The following NLRP14 variants were observed in gnomAD, a reference collection of about 807,000 sequenced individuals.
NLRP14 encodes NACHT, LRR and PYD domains-containing protein 14.
NLRP14 carries 105 observed loss-of-function variants against 94.7 expected under a neutral mutation model. The ratio of observed to expected loss-of-function variants is 1.11; its 90% CI spans 0.95 to 1.30. NLRP14 has a LOEUF of 1.30. Among genes scored for constraint, NLRP14 ranks in the 50% most tolerant of loss-of-function variants. NLRP14 has a pLI of 0.00. For missense variants in NLRP14, 1,362 were observed against 1,254.1 expected (o/e 1.09, Z -1.30); for synonymous variants, 508 against 459.9 (o/e 1.10, Z -1.34).
At chr11:7,059,855 G>A (rs373111138) in intron 8 of NLRP14, 39 bp from the exon 9 acceptor site, 3 of 1,547,086 alleles carry the variant, frequency 1.9e-6, no homozygotes, top group Admixed American at 1.7e-5. Context: ...GGACAGTAGA[G>A]CAATGATTCC....
chr11:7,037,806 C>G (rs967778628), intron 1 of NLRP14, among the ~76,000 whole-genome samples: 2 of 152,074 alleles, frequency 1.3e-5, no homozygotes, highest in Non-Finnish European at 2.9e-5. Flanking sequence ...ATTGACAAAG[C>G]CTGGGGTGAG....
chr11:7,068,510 G>A (rs1852742035), intron 10 of NLRP14, among the ~76,000 whole-genome samples: 1 of 152,084 alleles, frequency 6.6e-6, no homozygotes, highest in Non-Finnish European at 1.5e-5. Flanking sequence ...TAATTTTCAA[G>A]CATGAGGCTT....
At chr11:7,037,046 T>C (rs1431085229) in intron 1 of NLRP14, among the ~76,000 whole-genome samples, 1 of 152,144 alleles carries the variant, frequency 6.6e-6, no homozygotes, top group African/African-American at 2.4e-5. Flanking sequence ...AAGATAAAGA[T>C]GGACCCACAT....
At chr11:7,089,663 C>A in the NLRP14 span, 2 of 1,451,086 alleles carry the variant, frequency 1.4e-6, no homozygotes, top group Non-Finnish European at 1.8e-6. Context: ...GCGGGAGGGC[C>A]CTGGCCGTGC....
At position 7,038,874 on chromosome 11, in the gene NLRP14, C is replaced by G. The variant is rs1313531212; in HGVS notation, c.288C>G (p.Asn96Lys). 8 of 1,612,948 alleles carry G rather than the reference C, an allele frequency of 5.0e-6. No homozygotes were observed. The Admixed American group carries it at 5.0e-5, about 10-fold the overall frequency. The change falls in exon 2 of 12, where the codon AAC becomes AAG. Residue 96 changes from asparagine to lysine, a missense_variant and splice_region_variant. By Grantham distance (94) the Asn-to-Lys change is moderately conservative. Transcript: ENST00000299481. ...DLCERAKEEI[N>K]WSAQTIGPDD... ...GTGAGAGAGCGAAAGAAGAGATCAA[C>G]TGTGAGTGATGCTAGGGGCAAATCG...
At chr11:7,056,203 T>C (rs1357649346) in intron 6 of NLRP14, among the ~76,000 whole-genome samples, 3 of 151,980 alleles carry the variant, frequency 2.0e-5, no homozygotes, top group Non-Finnish European at 4.4e-5. Context: ...TTATAAAATT[T>C]AGGAATTCAG....
At chr11:7,088,028 A>G in the NLRP14 span, among the ~76,000 whole-genome samples, 14 of 152,348 alleles carry the variant, frequency 9.2e-5, no homozygotes, top group Admixed American at 7.2e-4. Flanking sequence ...ATCCACAATT[A>G]TGGTAAATTT....
At chr11:7,036,918 A>T (rs1852170234) in intron 1 of NLRP14, among the ~76,000 whole-genome samples, 1 of 152,198 alleles carries the variant, frequency 6.6e-6, no homozygotes, top group South Asian at 2.1e-4. Flanking sequence ...TCAAGAAGAT[A>T]GATTTCTAAT....
intron 3 of NLRP14, 39 bp downstream of exon 3, chr11:7,039,824 C>T (rs1010432330): frequency 2.7e-6 from 4 of 1,491,836 alleles, no homozygotes; most frequent in East Asian, 2.3e-5. Flanking sequence ...GGGAGGCATT[C>T]AAAGTTTTGA....
chr11:7,023,263 T>A (rs1224137010), intron 1 of NLRP14, among the ~76,000 whole-genome samples: 2 of 148,510 alleles, frequency 1.3e-5, no homozygotes, highest in South Asian at 2.1e-4. Flanking sequence ...AATTTTAATT[T>A]TATATATATA....
At chr11:7,077,260 G>A in the NLRP14 span, among the ~76,000 whole-genome samples, 1 of 152,248 alleles carries the variant, frequency 6.6e-6, no homozygotes, top group African/African-American at 2.4e-5. Context: ...GGCTGGAAAG[G>A]AGGTGACCCC....
At chr11:7,025,982 T>C (rs1852009609) in intron 1 of NLRP14, among the ~76,000 whole-genome samples, 1 of 152,208 alleles carries the variant, frequency 6.6e-6, no homozygotes, top group African/African-American at 2.4e-5. Flanking sequence ...CTTATAACCC[T>C]AGAATTGATA....
chr11:7,077,590 C>A, the NLRP14 span, among the ~76,000 whole-genome samples: 1 of 152,196 alleles, frequency 6.6e-6, no homozygotes, highest in Non-Finnish European at 1.5e-5. Context: ...TGAGACTGAG[C>A]AATTTACAAA....
chr11:7,023,587 A>C (rs1173194544), intron 1 of NLRP14, among the ~76,000 whole-genome samples: 1 of 149,568 alleles, frequency 6.7e-6, no homozygotes, highest in Non-Finnish European at 1.5e-5. Context: ...TCCAAGCTAA[A>C]GTGCAGAGAA....
chr11:7,070,568 T>G, intron 11 of NLRP14, 112 bp downstream of exon 11: 1 of 725,978 alleles, frequency 1.4e-6, no homozygotes, highest in East Asian at 2.5e-5. Flanking sequence ...TTGGGTATTT[T>G]CTAGACACTT....
intron 6 of NLRP14, among the ~76,000 whole-genome samples, chr11:7,053,633 A>AT (rs971238870): frequency 3.8e-4 from 57 of 150,214 alleles, no homozygotes; most frequent in African/African-American, 1.2e-3. Flanking sequence ...AGGATTTTGT[A>AT]TTTTTTTTTA....
intron 6 of NLRP14, 52 bp from the exon 7 acceptor site, chr11:7,057,625 G>T: frequency 6.5e-7 from 1 of 1,546,172 alleles, no homozygotes; most frequent in Non-Finnish European, 8.9e-7. Flanking sequence ...GGTGTTGGTT[G>T]TAATTATTCT....
chr11:7,067,177 C>T (rs968362645), intron 10 of NLRP14, among the ~76,000 whole-genome samples: 5 of 152,152 alleles, frequency 3.3e-5, no homozygotes, highest in African/African-American at 4.8e-5. Context: ...ATTGTCTTGA[C>T]TATACGGGCT....
rs1315964037 is a variant in NLRP14, at chr11:7,049,693, G to C, written c.2146G>C (p.Asp716His). ...AAGGTTGAAATTTATCACTTTCCCTGATGGTTGTCAGGATATCTCTACTTC... is the reference window on the plus strand; with the variant it reads ...AAGGTTGAAATTTATCACTTTCCCTCATGGTTGTCAGGATATCTCTACTTC... Reference protein sequence around the residue: ...KLLLKFITFPDGCQDISTSLI... With the variant: ...KLLLKFITFPHGCQDISTSLI... The change falls in exon 6 of 12, where the codon GAT becomes CAT. Residue 716 changes from aspartate to histidine, a missense_variant. Asp to His is a moderately conservative substitution (Grantham distance 81). Transcript: ENST00000299481. 1.9e-6 allele frequency: 3 copies of C among 1,612,988 alleles called. No individual in the cohort carries two copies. The South Asian group carries it at 3.3e-5, about 18-fold the overall frequency.
Sources: gnomAD v4.1 joint callset for allele counts (sites outside exome capture counted in the v4.1 genomes callset) on GRCh38, gnomAD v4.1.1 for gene constraint, MANE v1.5 for transcripts, NCBI Gene and HGNC (gene_info 2026-07-23, HGNC 2026-07-21) for gene names.